Variants in AACS observed in about 807,000 individuals in gnomAD.
The protein encoded by AACS is acetoacetate-CoA ligase.
Under a neutral mutation model 83.1 loss-of-function variants are expected in AACS, and 69 were observed. That is an observed-to-expected ratio of 0.83 (90% CI 0.68 to 1.01). The LOEUF (loss-of-function observed/expected upper bound fraction) is 1.01, where lower values mean the gene tolerates loss of function less well. AACS is among the 50% of genes least tolerant of loss of function. AACS has a pLI of 0.00. For synonymous variants in AACS, 333 were observed against 343.4 expected, an observed-to-expected ratio of 0.97 and a Z score of 0.33; for missense variants, 866 against 882.2, an observed-to-expected ratio of 0.98 and a Z score of 0.23.
chr12:125,134,019 C>T lies in AACS; in HGVS notation c.1566C>T (p.Gly522=), dbSNP rs760389638. The change falls in exon 15 of 18, where the codon GGC becomes GGT. Residue 522 remains glycine (G), a synonymous_variant. Transcript: ENST00000316519. The stretch of plus-strand genomic sequence containing the variant: ...TCTTTGCAGGTATCTGGGCTCATGG[C>T]GACTACTGCAGAATCAACCCCAAGA... ...FSKFPGIWAH[G]DYCRINPKTG... 17 of 1,613,996 alleles carry T rather than the reference C, an allele frequency of 1.1e-5. No homozygotes were observed. Among genetic ancestry groups the T allele is most frequent in the African/African-American group, 8.0e-5 (6 of 74,916 alleles).
intron 14 of AACS, among the ~76,000 whole-genome samples, chr12:125,133,346 G>A (rs1358027504): frequency 6.6e-6 from 1 of 152,176 alleles, no homozygotes; most frequent in Non-Finnish European, 1.5e-5. Flanking sequence ...CAGCTTCATG[G>A]TGCCACCCCA....
In AACS at chr12:125,065,727, G is replaced by A; in HGVS notation, c.133+10G>A. ...TGCGGCCTGGCGCTGGGTGAGAGTC[G>A]GGCGCGCGGCCGGGCCTGCGGGGGA... On this transcript the variant is annotated intron_variant, in intron 1 of 17. Coordinates refer to ENST00000316519, the MANE Select transcript of AACS (RefSeq NM_023928.5). 2 of 1,526,524 alleles carry A rather than the reference G, an allele frequency of 1.3e-6. No homozygotes were observed. Among genetic ancestry groups the A allele is most frequent in the Admixed American group, 2.1e-5 (1 of 46,784 alleles). The allele number at this position is 1,526,524 out of a possible 1,614,324, so 94.6% of individuals were successfully genotyped here. A position where few individuals can be genotyped will look rare whatever the true frequency, so the allele number is the denominator to read the frequency against.
At chr12:125,075,301 G>A (rs1349284761) in intron 2 of AACS, among the ~76,000 whole-genome samples, 5 of 151,044 alleles carry the variant, frequency 3.3e-5, no homozygotes, top group African/African-American at 9.8e-5. Context: ...TAGAAGTTTC[G>A]TTCTTTATTT....
chr12:125,129,149 G>A lies in AACS; in HGVS notation c.1424-186G>A. 1 of 705,050 alleles carries A rather than the reference G, an allele frequency of 1.4e-6. No homozygotes were observed. The highest frequency in any genetic ancestry group is 2.1e-6 in the Non-Finnish European group (1 of 471,396). The allele number at this position is 705,050 out of a possible 1,614,324, so 43.7% of individuals were successfully genotyped here. A position where few individuals can be genotyped will look rare whatever the true frequency, so the allele number is the denominator to read the frequency against. On this transcript the variant is annotated intron_variant, in intron 13 of 17. Coordinates refer to ENST00000316519, the MANE Select transcript of AACS (RefSeq NM_023928.5). The surrounding 1 kb of genome is among the most constrained non-coding windows in gnomAD (Gnocchi z 4.3). Reference sequence around the variant, plus strand: ...GCGATTTTGGGGAGCACACAGGGAGGGGACTTCATCTGGGAGGAACGCATT... The same window carrying A: ...GCGATTTTGGGGAGCACACAGGGAGAGGACTTCATCTGGGAGGAACGCATT...
chr12:125,103,820 C>T (rs921063259), intron 7 of AACS, among the ~76,000 whole-genome samples: 1 of 151,572 alleles, frequency 6.6e-6, no homozygotes, highest in Admixed American at 6.6e-5. Flanking sequence ...AACCCTGTCT[C>T]TACTAGAAAT....
At chr12:125,138,367 C>T (rs949714038) in intron 17 of AACS, 2 of 152,174 alleles carry the variant, frequency 1.3e-5, no homozygotes, top group African/African-American at 4.8e-5. Context: ...CTTGGCGGCT[C>T]TCTGTGGGGA....
At chr12:125,084,968 C>T (rs1425807828) in intron 3 of AACS, among the ~76,000 whole-genome samples, 2 of 152,116 alleles carry the variant, frequency 1.3e-5, no homozygotes, top group Non-Finnish European at 2.9e-5. Flanking sequence ...CTGCCTTAAC[C>T]TCTCAAAGAG....
intron 2 of AACS, among the ~76,000 whole-genome samples, chr12:125,075,884 G>A (rs747848260): frequency 9.2e-5 from 14 of 152,284 alleles, no homozygotes; most frequent in South Asian, 6.2e-4. Flanking sequence ...GAGCCACTGC[G>A]CCTGGCTGGA....
chr12:125,088,325 T>C (rs956277350), intron 4 of AACS, among the ~76,000 whole-genome samples: 7 of 151,246 alleles, frequency 4.6e-5, no homozygotes, highest in African/African-American at 1.7e-4. Context: ...CTCGAACTCC[T>C]GGGCTCAAGG....
At chr12:125,100,642 A>G (rs913382577) in intron 5 of AACS, among the ~76,000 whole-genome samples, 17 of 152,150 alleles carry the variant, frequency 1.1e-4, no homozygotes, top group Non-Finnish European at 2.1e-4. Flanking sequence ...GAAATTCTCA[A>G]ATTTTATCAC....
At chr12:125,075,390 C>T (rs1236053658) in intron 2 of AACS, among the ~76,000 whole-genome samples, 1 of 151,714 alleles carries the variant, frequency 6.6e-6, no homozygotes, top group Non-Finnish European at 1.5e-5. Context: ...CTCCTGGGTT[C>T]AGGTGATTCT....
intron 3 of AACS, 49 bp downstream of exon 3, chr12:125,076,660 T>G: frequency 6.2e-7 from 1 of 1,611,096 alleles, no homozygotes; most frequent in Non-Finnish European, 8.5e-7. Flanking sequence ...AAGTTCTAGA[T>G]GGTGCATGCA....
At chr12:125,112,801 C>T (rs1463148535) in intron 8 of AACS, among the ~76,000 whole-genome samples, 20 of 152,102 alleles carry the variant, frequency 1.3e-4, no homozygotes. Context: ...GAGCAAGTCA[C>T]ATCTTACATG....
At chr12:125,104,223 C>G (rs1474445295) in intron 7 of AACS, among the ~76,000 whole-genome samples, 1 of 152,066 alleles carries the variant, frequency 6.6e-6, no homozygotes, top group Non-Finnish European at 1.5e-5. Context: ...TGGAGGGCAC[C>G]TTGTACGTGG....
intron 10 of AACS, chr12:125,123,582 CGCCCA>C (rs1957192648): frequency 6.6e-6 from 1 of 152,270 alleles, no homozygotes; most frequent in Non-Finnish European, 1.5e-5. Context: ...GCCTTAGCCA[CGCCCA>C]GCCCAGCCAG....
At chr12:125,069,924 G>A (rs952738331) in intron 1 of AACS, among the ~76,000 whole-genome samples, 2 of 152,212 alleles carry the variant, frequency 1.3e-5, no homozygotes, top group African/African-American at 4.8e-5. Context: ...CTGCACTGTT[G>A]TATGACAGAT....
intron 9 of AACS, among the ~76,000 whole-genome samples, chr12:125,116,962 C>G (rs560094284): frequency 2.7e-5 from 4 of 148,098 alleles, no homozygotes; most frequent in African/African-American, 9.9e-5. Context: ...TTCTTGTTTT[C>G]TTTTGACAGT....
chr12:125,096,825 G>C, intron 5 of AACS, among the ~76,000 whole-genome samples: 1 of 152,050 alleles, frequency 6.6e-6, no homozygotes, highest in Non-Finnish European at 1.5e-5. Context: ...ACTGAGAATG[G>C]GGAAGAGGGG....
At chr12:125,084,551 A>G (rs564567245) in intron 3 of AACS, among the ~76,000 whole-genome samples, 1 of 149,760 alleles carries the variant, frequency 6.7e-6, no homozygotes, top group Admixed American at 6.7e-5. Context: ...CTACAGGTAT[A>G]CACCACCACG....
Sources: gnomAD v4.1 joint callset for allele counts (sites outside exome capture counted in the v4.1 genomes callset) on GRCh38, gnomAD v4.1.1 for gene constraint, Gnocchi (gnomAD v3.1) non-coding constraint, MANE v1.5 for transcripts, NCBI Gene and HGNC (gene_info 2026-07-23, HGNC 2026-07-21) for gene names.